NAALADL2: variants seen among roughly 807,000 people sequenced by gnomAD.
The protein encoded by NAALADL2 is inactive N-acetylated-alpha-linked acidic dipeptidase-like protein 2.
Under a neutral mutation model 87.2 loss-of-function variants are expected in NAALADL2, and 76 were observed. That is an observed-to-expected ratio of 0.87 (90% CI 0.72 to 1.05). NAALADL2 has a LOEUF of 1.05. Among genes scored for constraint, NAALADL2 ranks in the 50% least tolerant of loss-of-function variants. The pLI is 0.00. For missense variants in NAALADL2, 1,089 were observed against 945.8 expected (o/e 1.15, Z -1.99); for synonymous variants, 354 against 331.0 (o/e 1.07, Z -0.75).
intron 3 of NAALADL2, among the ~76,000 whole-genome samples, chr3:174,796,179 G>A (rs754832436): frequency 1.3e-5 from 2 of 152,162 alleles, no homozygotes; most frequent in Admixed American, 6.6e-5. Context: ...AGACATCTGC[G>A]AGCCAAAGAG....
chr3:174,620,874 T>C (rs1310425315), intron 2 of NAALADL2, among the ~76,000 whole-genome samples: 3 of 152,066 alleles, frequency 2.0e-5, no homozygotes, highest in Non-Finnish European at 4.4e-5. Flanking sequence ...CAAAACACTT[T>C]GAGTGAGCTA....
At chr3:175,753,694 G>A (rs1583117586) in intron 12 of NAALADL2, among the ~76,000 whole-genome samples, 1 of 152,050 alleles carries the variant, frequency 6.6e-6, no homozygotes, top group Non-Finnish European at 1.5e-5. Context: ...TGTGCCCCTA[G>A]AAAGAATCAG....
At chr3:174,583,545 T>C (rs749696447) in intron 2 of NAALADL2, among the ~76,000 whole-genome samples, 1 of 152,200 alleles carries the variant, frequency 6.6e-6, no homozygotes, top group Non-Finnish European at 1.5e-5. Context: ...AGTGTTTTAT[T>C]ACAGCAAACA....
At chr3:174,710,450 C>T (rs1730515101) in intron 2 of NAALADL2, among the ~76,000 whole-genome samples, 1 of 152,016 alleles carries the variant, frequency 6.6e-6, no homozygotes, top group Non-Finnish European at 1.5e-5. Context: ...GACGGGATTT[C>T]TCCATGTTGG....
chr3:175,402,183 T>G (rs1457741511), intron 5 of NAALADL2, among the ~76,000 whole-genome samples: 1 of 152,090 alleles, frequency 6.6e-6, no homozygotes, highest in Non-Finnish European at 1.5e-5. Flanking sequence ...GGAACCAGTT[T>G]GAAAACATAA....
At position 175,810,095 on chromosome 3, in the gene NAALADL2, A is replaced by G. The variant is rs1298636197; in HGVS notation, c.*6892A>G. 2 of 151,972 alleles carry G rather than the reference A, an allele frequency of 1.3e-5. No homozygotes were observed. Among genetic ancestry groups the G allele is most frequent in the African/African-American group, 4.8e-5 (2 of 41,404 alleles). 9.4% of individuals were successfully genotyped at this position (151,972 alleles called of 1,614,324 possible). On this transcript the variant is annotated 3_prime_UTR_variant, in exon 14 of 14. Coordinates refer to ENST00000454872, the MANE Select transcript of NAALADL2 (RefSeq NM_207015.3). ...TTCATTGTACAGAGATTTCATTGTC[A>G]TTGTCGTTGTTGTTAACTGATTTTT...
chr3:174,460,043 A>G (rs1042036428), intron 1 of NAALADL2, among the ~76,000 whole-genome samples: 14 of 152,154 alleles, frequency 9.2e-5, no homozygotes, highest in Non-Finnish European at 2.1e-4. Context: ...CAATACATCC[A>G]ATAAATAATT....
intron 4 of NAALADL2, among the ~76,000 whole-genome samples, chr3:175,271,327 TA>T (rs997332820): frequency 5.4e-4 from 82 of 152,058 alleles, no homozygotes; most frequent in Non-Finnish European, 9.9e-4. Context: ...GAAATAGATT[TA>T]AAAAAAATTG....
At chr3:175,204,457 A>T (rs748473598) in intron 2 of NAALADL2, among the ~76,000 whole-genome samples, 26 of 152,190 alleles carry the variant, frequency 1.7e-4, no homozygotes, top group Non-Finnish European at 3.7e-4. Flanking sequence ...AATAAAATCC[A>T]TCTATGACAA....
At chr3:175,639,572 G>T (rs1289488923) in intron 11 of NAALADL2, among the ~76,000 whole-genome samples, 1 of 151,720 alleles carries the variant, frequency 6.6e-6, no homozygotes, top group African/African-American at 2.4e-5. Context: ...CGCCCACCTC[G>T]GCCTCCCAAA....
rs561056180 is a variant in NAALADL2 at position 175,062,000 on chromosome 3, T to A, written c.44-34790T>A. Reference sequence around the variant, plus strand: ...ACAGGTGCAAGGGAAGCCCAGAAGTTTCTTGGTAAGTTTAAGAAAGAAAAG... The same window carrying A: ...ACAGGTGCAAGGGAAGCCCAGAAGTATCTTGGTAAGTTTAAGAAAGAAAAG... On this transcript the variant is annotated intron_variant, in intron 1 of 13. Coordinates refer to ENST00000454872, the MANE Select transcript of NAALADL2 (RefSeq NM_207015.3). Among the ~76,000 whole-genome samples, 23 of 152,188 alleles carry A rather than the reference T, an allele frequency of 1.5e-4. No homozygotes were observed. The South Asian group carries it at 4.2e-3, about 27-fold the overall frequency.
intron 1 of NAALADL2, among the ~76,000 whole-genome samples, chr3:174,452,808 G>A (rs1715574326): frequency 1.3e-5 from 2 of 151,638 alleles, no homozygotes; most frequent in Non-Finnish European, 2.9e-5. Context: ...AAAATCGAAG[G>A]AACATCAGCC....
intron 1 of NAALADL2, among the ~76,000 whole-genome samples, chr3:174,871,680 C>T (rs1727837493): frequency 6.6e-6 from 1 of 152,146 alleles, no homozygotes; most frequent in Non-Finnish European, 1.5e-5. Context: ...GGGTGGATCA[C>T]CTCGGGTCAG....
At chr3:174,687,939 C>T (rs373067919) in intron 2 of NAALADL2, among the ~76,000 whole-genome samples, 10 of 152,110 alleles carry the variant, frequency 6.6e-5, no homozygotes, top group East Asian at 1.9e-4. Flanking sequence ...CCTTTCACTA[C>T]GATTATGAGG....
intron 4 of NAALADL2, among the ~76,000 whole-genome samples, chr3:175,264,740 C>T (rs1442516795): frequency 6.6e-6 from 1 of 151,522 alleles, no homozygotes; most frequent in Non-Finnish European, 1.5e-5. Flanking sequence ...TAGATTTTTA[C>T]ATCCTTCAGT....
intron 13 of NAALADL2, chr3:175,773,032 C>G (rs1749719526): frequency 6.6e-6 from 1 of 152,028 alleles, no homozygotes. Flanking sequence ...AGGCATGTAT[C>G]CTGGTTAACA....
chr3:175,280,428 A>G (rs930977375), intron 4 of NAALADL2, among the ~76,000 whole-genome samples: 2 of 152,114 alleles, frequency 1.3e-5, no homozygotes, highest in Admixed American at 6.6e-5. Flanking sequence ...TAATGTTGTT[A>G]GTTTGTGATT....
intron 11 of NAALADL2, among the ~76,000 whole-genome samples, chr3:175,663,144 C>T (rs1190001874): frequency 6.7e-6 from 1 of 148,458 alleles, no homozygotes; most frequent in Non-Finnish European, 1.5e-5. Flanking sequence ...CCTGGGCTTG[C>T]TTTTTTATTT....
intron 2 of NAALADL2, among the ~76,000 whole-genome samples, chr3:174,560,119 T>C (rs1177725716): frequency 6.6e-6 from 1 of 152,200 alleles, no homozygotes; most frequent in East Asian, 1.9e-4. Context: ...AGGTTCTTTT[T>C]AATTACTTTT....
Sources: gnomAD v4.1 joint callset for allele counts (sites outside exome capture counted in the v4.1 genomes callset) on GRCh38, gnomAD v4.1.1 for gene constraint, MANE v1.5 for transcripts, NCBI Gene and HGNC (gene_info 2026-07-23, HGNC 2026-07-21) for gene names.